Variants in AHCYL1 observed in about 807,000 individuals in gnomAD.
AHCYL1 encodes S-adenosylhomocysteine hydrolase-like protein 1.
Under a neutral mutation model 79.3 loss-of-function variants are expected in AHCYL1, and 20 were observed. That is an observed-to-expected ratio of 0.25 (90% CI 0.18 to 0.37). The LOEUF is 0.37. Ranked by LOEUF, AHCYL1 falls within the 10% of genes least tolerant of loss-of-function variation. The probability of loss-of-function intolerance (pLI) is 1.00; values close to 1 mark genes in which losing one functional copy is unlikely to be tolerated. For synonymous variants in AHCYL1, 223 were observed against 242.2 expected (o/e 0.92, Z 0.74); for missense variants, 330 against 673.6 (o/e 0.49, Z 5.65).
At chr1:109,997,781 C>A (rs1304128716) in intron 1 of AHCYL1, among the ~76,000 whole-genome samples, 1 of 152,172 alleles carries the variant, frequency 6.6e-6, no homozygotes, top group Non-Finnish European at 1.5e-5. Context: ...GAGTCCTGTG[C>A]TAGTTCCACC....
At chr1:110,012,709 T>C (rs1402465550) in intron 4 of AHCYL1, among the ~76,000 whole-genome samples, 188 bp from the exon 5 acceptor site, 1 of 152,236 alleles carries the variant, frequency 6.6e-6, no homozygotes, top group Non-Finnish European at 1.5e-5. Context: ...TAAAGACTTT[T>C]AGAAACCTAT....
At chr1:110,000,249 G>T (rs530625740) in intron 1 of AHCYL1, among the ~76,000 whole-genome samples, 1 of 152,130 alleles carries the variant, frequency 6.6e-6, no homozygotes, top group South Asian at 2.1e-4. Flanking sequence ...TTGCTTAAAC[G>T]CAGGTGGAAA....
At chr1:110,016,537 C>T in intron 8 of AHCYL1, 77 bp downstream of exon 8, 2 of 1,548,284 alleles carry the variant, frequency 1.3e-6, no homozygotes, top group South Asian at 1.2e-5. Flanking sequence ...TTAGAGGGAC[C>T]ATTTCATACT....
intron 1 of AHCYL1, among the ~76,000 whole-genome samples, chr1:109,992,310 T>C (rs538309160): frequency 6.7e-6 from 1 of 149,004 alleles, no homozygotes; most frequent in South Asian, 2.1e-4. Flanking sequence ...CCCGGGAGGC[T>C]GAGGCAGGAG....
At chr1:109,992,578 A>G (rs971875311) in intron 1 of AHCYL1, among the ~76,000 whole-genome samples, 2 of 152,186 alleles carry the variant, frequency 1.3e-5, no homozygotes, top group Admixed American at 6.5e-5. Flanking sequence ...TTGAATTTTC[A>G]AAATGCACAT....
At chr1:109,986,097 C>G (rs931073025) in intron 1 of AHCYL1, among the ~76,000 whole-genome samples, 9 of 152,286 alleles carry the variant, frequency 5.9e-5, no homozygotes, top group Admixed American at 3.3e-4. Flanking sequence ...CACCTGGCAC[C>G]CAGTTAGCAG....
intron 1 of AHCYL1, among the ~76,000 whole-genome samples, chr1:109,997,373 A>T (rs1260907984): frequency 6.6e-6 from 1 of 152,202 alleles, no homozygotes; most frequent in Non-Finnish European, 1.5e-5. Context: ...GAAAGATGAC[A>T]GGAAGAAAAG....
intron 5 of AHCYL1, among the ~76,000 whole-genome samples, chr1:110,013,815 T>TC (rs1651227799): frequency 6.6e-6 from 1 of 151,008 alleles, no homozygotes; most frequent in African/African-American, 2.4e-5. Flanking sequence ...TTTTTTTTTT[T>TC]CTTAAGATGG....
At chr1:110,021,166 G>GGGA (rs1387420075) in intron 16 of AHCYL1, among the ~76,000 whole-genome samples, 3 of 152,178 alleles carry the variant, frequency 2.0e-5, no homozygotes, top group Admixed American at 2.0e-4. Context: ...ACTTGAACCT[G>GGGA]GGAGGCGGAG....
At chr1:109,997,637 T>C (rs549054034) in intron 1 of AHCYL1, among the ~76,000 whole-genome samples, 1 of 152,266 alleles carries the variant, frequency 6.6e-6, no homozygotes, top group South Asian at 2.1e-4. Context: ...GTGTTAAACT[T>C]GAAAGAATGG....
At chr1:110,004,158 C>CTG (rs1439227382) in intron 1 of AHCYL1, 1 of 985,414 alleles carries the variant, frequency 1.0e-6, no homozygotes, top group South Asian at 4.7e-5. Context: ...TGGATTCTAG[C>CTG]TGTGTGTGTG....
intron 3 of AHCYL1, 148 bp from the exon 4 acceptor site, chr1:110,012,214 G>A: frequency 1.7e-6 from 1 of 595,324 alleles, no homozygotes; most frequent in Admixed American, 3.2e-5. Flanking sequence ...CTATTACTGT[G>A]CCGTTGAAGC....
At position 110,023,610 on chromosome 1, in the gene AHCYL1, A is replaced by C. The variant is rs1651933950; in HGVS notation, c.*1930A>C. On this transcript the variant is annotated 3_prime_UTR_variant, in exon 17 of 17. Transcript: ENST00000369799. ...TGTTAAAAAAAAAAAAAAGTCTGGCATCAGAGGGAGCATGTGGAGAGCAAC... is the reference window on the plus strand; with the variant it reads ...TGTTAAAAAAAAAAAAAAGTCTGGCCTCAGAGGGAGCATGTGGAGAGCAAC... 6.6e-6 allele frequency: 1 copy of C among 152,576 alleles called. No homozygotes were observed. Among genetic ancestry groups the C allele is most frequent in the Non-Finnish European group, 1.5e-5 (1 of 68,028 alleles). The allele number at this position is 152,576 out of a possible 1,614,324, so 9.5% of individuals were successfully genotyped here.
intron 1 of AHCYL1, among the ~76,000 whole-genome samples, chr1:110,002,977 G>C (rs1282514923): frequency 6.6e-6 from 1 of 152,182 alleles, no homozygotes; most frequent in Admixed American, 6.5e-5. Flanking sequence ...TCAAAGAAAA[G>C]TCAGTATCAC....
chr1:110,015,602 T>A, intron 7 of AHCYL1, 71 bp downstream of exon 7: 1 of 1,265,590 alleles, frequency 7.9e-7, no homozygotes, highest in Non-Finnish European at 1.2e-6. Flanking sequence ...TGTTAGGCTT[T>A]AGGACTGTGT....
intron 7 of AHCYL1, among the ~76,000 whole-genome samples, chr1:110,015,754 ATTC>A (rs1651377484): frequency 1.3e-5 from 2 of 152,224 alleles, no homozygotes; most frequent in Admixed American, 1.3e-4. Flanking sequence ...CCATTGAGTG[ATTC>A]TCAACTAGTG....
Position 110,015,803 on chromosome 1 carries a change from A to G in AHCYL1, c.782+272A>G, listed in dbSNP as rs142283700. ...GGTAGGGAATAAATGTATCTTGAAA[A>G]ACTGTATTCAATATTGTATTATCAT... On this transcript the variant is annotated intron_variant, in intron 7 of 16. Transcript: ENST00000369799. Among the ~76,000 whole-genome samples, 518 of 152,282 alleles carry G rather than the reference A, an allele frequency of 3.4e-3. 2 individuals carry two copies. Among genetic ancestry groups the G allele is most frequent in the African/African-American group, 0.012 (499 of 41,564 alleles).
At chr1:109,987,975 ATTCT>A (rs1185435372) in intron 1 of AHCYL1, among the ~76,000 whole-genome samples, 3 of 152,224 alleles carry the variant, frequency 2.0e-5, no homozygotes, top group African/African-American at 7.2e-5. Context: ...GTATATTTAT[ATTCT>A]TTCTTCAATG....
intron 5 of AHCYL1, 35 bp downstream of exon 5, chr1:110,013,034 A>T: frequency 6.5e-7 from 1 of 1,532,230 alleles, no homozygotes; most frequent in Non-Finnish European, 9.0e-7. Context: ...CTTTGCCCCA[A>T]AATAGTTATC....
Sources: gnomAD v4.1 joint callset for allele counts (sites outside exome capture counted in the v4.1 genomes callset) on GRCh38, gnomAD v4.1.1 for gene constraint, MANE v1.5 for transcripts, NCBI Gene and HGNC (gene_info 2026-07-23, HGNC 2026-07-21) for gene names.